Variants in OR56A1 observed in about 807,000 individuals in gnomAD.
OR56A1 encodes the protein olfactory receptor family 56 subfamily A member 1, also known as olfactory receptor 56A1.
For missense variants in OR56A1, 360 were observed against 380.9 expected (o/e 0.94, Z 0.46); for synonymous variants, 174 against 159.1 (o/e 1.09, Z -0.70).
At position 6,026,024 on chromosome 11, in the gene OR56A1, G is replaced by A. The variant is rs1249323006; in HGVS notation, c.*724C>T. ...CTGAATGTGTAGCTTAAACATATAG[G>A]GAAAGTGGCCAACACAATGTCCTAG... On this transcript the variant is annotated 3_prime_UTR_variant, in exon 2 of 2. Coordinates refer to ENST00000641900, the MANE Select transcript of OR56A1 (RefSeq NM_001388488.1). 1.3e-5 allele frequency: 2 copies of A among 152,044 alleles called. No individual in the cohort carries two copies. The highest frequency in any genetic ancestry group is 6.6e-5 in the Admixed American group (1 of 15,266). The allele number at this position is 152,044 out of a possible 1,614,324, so 9.4% of individuals were successfully genotyped here.
rs1848374638 is a variant in OR56A1, at chr11:6,019,644, T to A, written c.*7104A>T. 6.6e-6 allele frequency: 1 copy of A among 152,082 alleles called. No individual in the cohort carries two copies. The highest frequency in any genetic ancestry group is 2.4e-5 in the African/African-American group (1 of 41,410). The allele number at this position is 152,082 out of a possible 1,614,324, so 9.4% of individuals were successfully genotyped here. A position where few individuals can be genotyped will look rare whatever the true frequency, so the allele number is the denominator to read the frequency against. On this transcript the variant is annotated 3_prime_UTR_variant, in exon 2 of 2. Coordinates refer to ENST00000641900, the MANE Select transcript of OR56A1 (RefSeq NM_001388488.1). ...GAGATTCATTCACTATCATGAGAAT[T>A]ATGGGTGCAGGAAAGACCCACCCCC...
At position 6,026,906 on chromosome 11, in the gene OR56A1, A is replaced by G; in HGVS notation, c.787T>C (p.Leu263=). The stretch of plus-strand genomic sequence containing the variant: ...ACCTTCTTTCTGGCCACGTTTGTCA[A>G]CACCACAACCAGCAGTATGGTGCTG... ...FFSTILLVVV[L]TNVARKKVPM... The change falls in exon 2 of 2, where the codon TTG becomes CTG. Residue 263 remains leucine (L), a synonymous_variant. Transcript: ENST00000641900. The G allele has an allele frequency of 6.2e-7, 1 of 1,614,190 alleles. No individual in the cohort carries two copies. Among genetic ancestry groups the G allele is most frequent in the Non-Finnish European group, 8.5e-7 (1 of 1,180,028 alleles).
At chr11:6,030,344 T>C (rs759439907) in intron 1 of OR56A1, among the ~76,000 whole-genome samples, 3 of 152,088 alleles carry the variant, frequency 2.0e-5, no homozygotes, top group Non-Finnish European at 4.4e-5. Flanking sequence ...ATTTTTTACT[T>C]GAACTTCATG....
chr11:6,022,332 T>TA lies in OR56A1; in HGVS notation c.*4415dup. The TA allele has an allele frequency of 6.6e-6, 1 of 151,900 alleles. No individual in the cohort carries two copies. The highest frequency in any genetic ancestry group is 1.5e-5 in the Non-Finnish European group (1 of 67,962). 9.4% of individuals were successfully genotyped at this position (151,900 alleles called of 1,614,324 possible). On this transcript the variant is annotated 3_prime_UTR_variant, in exon 2 of 2. Transcript: ENST00000641900. ...CCCAGAACATGGAGGATCCACATAA[T>TA]AAAAAAAGCATGGGTCCCTAAATGT... is the stretch of plus-strand genomic sequence containing the variant.
upstream of OR56A1, among the ~76,000 whole-genome samples, chr11:6,032,685 A>C (rs78826996): frequency 0.013 from 2,015 of 152,256 alleles, 49 homozygotes; most frequent in African/African-American, 0.046. Flanking sequence ...GGCATGGCAC[A>C]GAATACATGA....
chr11:6,030,479 G>A (rs1223877096), intron 1 of OR56A1, among the ~76,000 whole-genome samples: 2 of 152,026 alleles, frequency 1.3e-5, no homozygotes, highest in Non-Finnish European at 2.9e-5. Flanking sequence ...AGGAAGGAAG[G>A]AAGGAAAAGG....
chr11:6,025,143 G>C lies in OR56A1; in HGVS notation c.*1605C>G, dbSNP rs1219967889. 6.6e-6 allele frequency: 1 copy of C among 152,198 alleles called. No homozygotes were observed. The highest frequency in any genetic ancestry group is 1.5e-5 in the Non-Finnish European group (1 of 68,048). 9.4% of individuals were successfully genotyped at this position (152,198 alleles called of 1,614,324 possible). ...GTTTCTCCACCCACCTGCACTAGGG[G>C]ACTTGATTCTGACTCTAATTCCCTG... is the stretch of plus-strand genomic sequence containing the variant. On this transcript the variant is annotated 3_prime_UTR_variant, in exon 2 of 2. Coordinates refer to ENST00000641900, the MANE Select transcript of OR56A1 (RefSeq NM_001388488.1).
In OR56A1 at chr11:6,022,205, T is replaced by C. The variant is rs1848403575; in HGVS notation, c.*4543A>G. On this transcript the variant is annotated 3_prime_UTR_variant, in exon 2 of 2. Coordinates refer to ENST00000641900, the MANE Select transcript of OR56A1 (RefSeq NM_001388488.1). Reference sequence around the variant, plus strand: ...CGATGAAATGATAGAGAAAGTGATGTGTCTCCTAGTTTGGGGCCCTAAAGC... The same window carrying C: ...CGATGAAATGATAGAGAAAGTGATGCGTCTCCTAGTTTGGGGCCCTAAAGC... 6.6e-6 allele frequency: 1 copy of C among 152,284 alleles called. No homozygotes were observed. Among genetic ancestry groups the C allele is most frequent in the African/African-American group, 2.4e-5 (1 of 41,574 alleles). 9.4% of individuals were successfully genotyped at this position (152,284 alleles called of 1,614,324 possible).
upstream of OR56A1, among the ~76,000 whole-genome samples, chr11:6,033,092 G>C (rs551826390): frequency 3.9e-5 from 6 of 152,092 alleles, no homozygotes; most frequent in African/African-American, 1.4e-4. Flanking sequence ...TCTGCTTCCA[G>C]TCATCACACA....
intron 1 of OR56A1, among the ~76,000 whole-genome samples, chr11:6,030,267 T>G (rs922376227): frequency 1.3e-5 from 2 of 152,184 alleles, no homozygotes; most frequent in Non-Finnish European, 2.9e-5. Context: ...TTTTTAAATA[T>G]AAATATTACC....
upstream of OR56A1, among the ~76,000 whole-genome samples, chr11:6,033,617 T>C (rs1464543643): frequency 6.6e-6 from 1 of 151,644 alleles, no homozygotes; most frequent in Non-Finnish European, 1.5e-5. Context: ...AGTCACAGGA[T>C]GATAAGAGGC....
At chr11:6,030,917 A>G (rs1472607770), upstream of OR56A1, among the ~76,000 whole-genome samples, 2 of 152,210 alleles carry the variant, frequency 1.3e-5, no homozygotes, top group Non-Finnish European at 2.9e-5. Context: ...AATAACATCA[A>G]TTAGCCCAGT....
chr11:6,026,039 C>T lies in OR56A1; in HGVS notation c.*709G>A, dbSNP rs780308814. 3 of 152,198 alleles carry T rather than the reference C, an allele frequency of 2.0e-5. No individual in the cohort carries two copies. Among genetic ancestry groups the T allele is most frequent in the Non-Finnish European group, 4.4e-5 (3 of 68,056 alleles). 9.4% of individuals were successfully genotyped at this position (152,198 alleles called of 1,614,324 possible). A position where few individuals can be genotyped will look rare whatever the true frequency, so the allele number is the denominator to read the frequency against. On this transcript the variant is annotated 3_prime_UTR_variant, in exon 2 of 2. Transcript: ENST00000641900. ...AAACATATAGGGAAAGTGGCCAACA[C>T]AATGTCCTAGTCAGCTTTCCTGTTT...
chr11:6,032,541 A>T (rs1264562818), upstream of OR56A1, among the ~76,000 whole-genome samples: 2 of 152,198 alleles, frequency 1.3e-5, no homozygotes, highest in Admixed American at 6.5e-5. Flanking sequence ...GGTGTTTAAC[A>T]TAGATAGAAA....
Position 6,027,250 on chromosome 11 carries a change from C to T in OR56A1, c.443G>A (p.Ser148Asn). ...IITNQFVAKASVFIVVRNALL... is the reference protein window; with the variant it reads ...IITNQFVAKANVFIVVRNALL... ...CGCATTCCGCACCACAATGAAGACA[C>T]TAGCTTTGGCCACAAATTGATTAGT... Residue 148 changes from serine (S) to asparagine (N), a missense_variant, in exon 2 of 2, where the codon AGT (serine) becomes AAT (asparagine). Transcript: ENST00000641900. The T allele has an allele frequency of 1.2e-6, 2 of 1,614,216 alleles. No homozygotes were observed. The highest frequency in any genetic ancestry group is 1.7e-6 in the Non-Finnish European group (2 of 1,180,032).
upstream of OR56A1, among the ~76,000 whole-genome samples, chr11:6,033,482 T>C (rs369563121): frequency 1.1e-4 from 16 of 151,542 alleles, no homozygotes; most frequent in African/African-American, 3.9e-4. Context: ...AGAAGTACAA[T>C]GCCAAGAGCA....
chr11:6,020,646 T>C lies in OR56A1; in HGVS notation c.*6102A>G, dbSNP rs2133594417. The C allele has an allele frequency of 6.6e-6, 1 of 152,132 alleles. No homozygotes were observed. The highest frequency in any genetic ancestry group is 1.9e-4 in the East Asian group (1 of 5,198). 9.4% of individuals were successfully genotyped at this position (152,132 alleles called of 1,614,324 possible). On this transcript the variant is annotated 3_prime_UTR_variant, in exon 2 of 2. Coordinates refer to ENST00000641900, the MANE Select transcript of OR56A1 (RefSeq NM_001388488.1). Reference sequence around the variant, plus strand: ...GTTATGTAGGAATGCTAGTGATTTTTGTACATTAATTTTGTATCCTGCAAC... The same window carrying C: ...GTTATGTAGGAATGCTAGTGATTTTCGTACATTAATTTTGTATCCTGCAAC...
rs1162923594 is a variant in OR56A1, at chr11:6,019,406, G to A, written c.*7342C>T. The A allele has an allele frequency of 5.3e-5, 8 of 152,162 alleles. No individual in the cohort carries two copies. The East Asian group carries it at 1.4e-3, about 26-fold the overall frequency. 9.4% of individuals were successfully genotyped at this position (152,162 alleles called of 1,614,324 possible). A position where few individuals can be genotyped will look rare whatever the true frequency, so the allele number is the denominator to read the frequency against. ...AATGTGATACATCATGTATTAGTCC[G>A]TTTTCTCATGCTGCTGATAAAGACT... On this transcript the variant is annotated 3_prime_UTR_variant, in exon 2 of 2. Coordinates refer to ENST00000641900, the MANE Select transcript of OR56A1 (RefSeq NM_001388488.1).
chr11:6,029,388 T>A (rs1308134128), intron 1 of OR56A1, among the ~76,000 whole-genome samples: 1 of 152,134 alleles, frequency 6.6e-6, no homozygotes, highest in East Asian at 1.9e-4. Context: ...ATTGATCCCA[T>A]CTCTCCCAGC....
Sources: allele counts gnomAD v4.1 joint callset (sites outside exome capture counted in the v4.1 genomes callset), GRCh38; gene constraint gnomAD v4.1.1; transcripts MANE v1.5; gene names NCBI Gene and HGNC (gene_info 2026-07-23, HGNC 2026-07-21).